Variants in DCLRE1C observed in about 807,000 individuals in gnomAD.
DCLRE1C encodes the protein DNA cross-link repair 1C, also known as protein artemis.
A neutral mutation model predicts 61.4 loss-of-function variants in DCLRE1C; 47 were observed. The ratio of observed to expected loss-of-function variants is 0.77; its 90% CI spans 0.61 to 0.98. DCLRE1C has a LOEUF of 0.98. DCLRE1C is among the 50% of genes least tolerant of loss of function. The pLI is 0.00. For synonymous variants in DCLRE1C, 337 were observed against 287.6 expected, an observed-to-expected ratio of 1.17 and a Z score of -1.74; for missense variants, 858 against 816.0, an observed-to-expected ratio of 1.05 and a Z score of -0.63.
Position 14,908,497 on chromosome 10 carries a change from GT to G in DCLRE1C, c.1989del (p.Lys663AsnfsTer18). The G allele has an allele frequency of 1.9e-6, 3 of 1,613,974 alleles. No individual in the cohort carries two copies. The highest frequency in any genetic ancestry group is 2.5e-6 in the Non-Finnish European group (3 of 1,179,972). On this transcript the variant is annotated frameshift_variant, in exon 14 of 14. Coordinates refer to ENST00000378278, the MANE Select transcript of DCLRE1C (RefSeq NM_001033855.3). LOFTEE classifies it high-confidence loss of function. ...VPSTPEAELP[K>X]REHLQYLYEK... ...TCATATAAATATTGTAAATGCTCTC[GT>G]TTAGGTAACTCAGCTTCTGGAGTTG...
downstream of DCLRE1C, chr10:14,902,635 T>A: frequency 1.5e-6 from 1 of 668,074 alleles, no homozygotes; most frequent in Non-Finnish European, 2.4e-6. Context: ...AATTCATGTT[T>A]CAAGACATTT....
At chr10:14,936,691 T>A (rs1839984796) in intron 4 of DCLRE1C, 98 bp from the exon 5 acceptor site, 7 of 797,312 alleles carry the variant, frequency 8.8e-6, no homozygotes, top group Non-Finnish European at 6.4e-6. Flanking sequence ...TATGTACCTT[T>A]TAACAATGTG....
At chr10:14,946,884 C>G (rs1321458290) in intron 2 of DCLRE1C, among the ~76,000 whole-genome samples, 1 of 152,070 alleles carries the variant, frequency 6.6e-6, no homozygotes, top group East Asian at 1.9e-4. Context: ...TCCCAAAGGC[C>G]TGGGATTATA....
chr10:14,921,652 A>G (rs916121226), intron 12 of DCLRE1C, among the ~76,000 whole-genome samples: 41 of 152,130 alleles, frequency 2.7e-4, no homozygotes, highest in Middle Eastern at 3.2e-3. Context: ...GGTAGTCCCC[A>G]TATTATTTGA....
At chr10:14,951,215 T>C (rs1028634497) in intron 1 of DCLRE1C, among the ~76,000 whole-genome samples, 7 of 151,606 alleles carry the variant, frequency 4.6e-5, no homozygotes, top group Non-Finnish European at 1.0e-4. Flanking sequence ...CCTGTCTCTC[T>C]ATAAAAAATA....
intron 7 of DCLRE1C, 33 bp from the exon 8 acceptor site, chr10:14,934,553 T>C: frequency 2.5e-6 from 4 of 1,614,040 alleles, no homozygotes; most frequent in Non-Finnish European, 3.4e-6. Context: ...ATTTAACAGG[T>C]GGAGAGCCGC....
chr10:14,912,005 G>A (rs1405381339), intron 13 of DCLRE1C, among the ~76,000 whole-genome samples: 2 of 152,220 alleles, frequency 1.3e-5, no homozygotes, highest in African/African-American at 2.4e-5. Context: ...TTCAGTGTGG[G>A]AATGTTTGGC....
chr10:14,938,305 AGTTGG>A (rs535211800), intron 4 of DCLRE1C, among the ~76,000 whole-genome samples: 5 of 152,212 alleles, frequency 3.3e-5, no homozygotes, highest in African/African-American at 1.2e-4. Flanking sequence ...CCGGAAAAGC[AGTTGG>A]CAGAGTCCAG....
Position 14,908,089 on chromosome 10 carries a change from T to G in DCLRE1C, c.*319A>C, listed in dbSNP as rs1268478006. On this transcript the variant is annotated 3_prime_UTR_variant, in exon 14 of 14. Coordinates refer to ENST00000378278, the MANE Select transcript of DCLRE1C (RefSeq NM_001033855.3). ...GACTAGAGGTGCAGTGGCACAGTCA[T>G]GGCTCACTGCAGCCTCAATCTCCTG... 6.8e-6 allele frequency: 2 copies of G among 295,820 alleles called. No homozygotes were observed. The highest frequency in any genetic ancestry group is 1.9e-4 in the East Asian group (2 of 10,492). The allele number at this position is 295,820 out of a possible 1,614,324, so 18.3% of individuals were successfully genotyped here.
intron 13 of DCLRE1C, among the ~76,000 whole-genome samples, chr10:14,915,745 A>C (rs995721413): frequency 2.0e-5 from 3 of 152,092 alleles, no homozygotes; most frequent in Non-Finnish European, 1.5e-5. Flanking sequence ...ATCCTCGAAA[A>C]ATTTTTCCAG....
At chr10:14,942,658 G>T (rs2131069496) in intron 3 of DCLRE1C, among the ~76,000 whole-genome samples, 1 of 152,352 alleles carries the variant, frequency 6.6e-6, no homozygotes, top group Non-Finnish European at 1.5e-5. Context: ...GGACAGAAGT[G>T]TTTCCTGTGG....
At chr10:14,920,331 G>A in intron 12 of DCLRE1C, 2 of 957,196 alleles carry the variant, frequency 2.1e-6, no homozygotes, top group South Asian at 7.1e-5. Flanking sequence ...AAGACAAAGT[G>A]GAGATAAAAT....
rs1834787216 is a variant in DCLRE1C at position 14,908,961 on chromosome 10, G to A, written c.1526C>T (p.Ser509Phe). The change falls in exon 14 of 14, where the codon TCC (serine) becomes TTC (phenylalanine). Residue 509 changes from serine to phenylalanine, a missense_variant. Transcript: ENST00000378278. ...ITDESLENFP[S>F]STVAGGSQSP... is the part of the protein sequence containing the mutation. ...CTGAGATCCCCCTGCCACTGTGGAG[G>A]AAGGGAAGTTTTCCAAACTCTCATC... 6.2e-7 allele frequency: 1 copy of A among 1,614,154 alleles called. No individual in the cohort carries two copies. Among genetic ancestry groups the A allele is most frequent in the Non-Finnish European group, 8.5e-7 (1 of 1,180,008 alleles).
intron 13 of DCLRE1C, among the ~76,000 whole-genome samples, chr10:14,918,247 G>C (rs559531807): frequency 6.6e-6 from 1 of 152,176 alleles, no homozygotes; most frequent in African/African-American, 2.4e-5. Flanking sequence ...ACATCAACAG[G>C]TGAATGGATC....
chr10:14,919,629 T>G, intron 13 of DCLRE1C, 109 bp downstream of exon 13: 1 of 827,110 alleles, frequency 1.2e-6, no homozygotes, highest in East Asian at 2.4e-5. Flanking sequence ...TGACCTGTGG[T>G]GGGTCCCAGG....
At chr10:14,928,582 G>A (rs41298880) in intron 9 of DCLRE1C, among the ~76,000 whole-genome samples, 102 of 152,298 alleles carry the variant, frequency 6.7e-4, no homozygotes, top group Non-Finnish European at 9.7e-4. Context: ...AAAATGTTCT[G>A]AGGAAGGGTA....
chr10:14,914,043 C>G (rs1835750826), intron 13 of DCLRE1C, among the ~76,000 whole-genome samples: 1 of 152,136 alleles, frequency 6.6e-6, no homozygotes, highest in African/African-American at 2.4e-5. Flanking sequence ...TAAACTTAAA[C>G]CTGACCATAT....
At chr10:14,949,167 T>C (rs1842105027) in intron 1 of DCLRE1C, 80 bp from the exon 2 acceptor site, 1 of 989,714 alleles carries the variant, frequency 1.0e-6, no homozygotes, top group African/African-American at 1.6e-5. Context: ...CGTCTTCTTT[T>C]TCAGCTTCAA....
intron 3 of DCLRE1C, among the ~76,000 whole-genome samples, chr10:14,940,290 AT>A (rs1046309328): frequency 6.7e-3 from 135 of 20,300 alleles, no homozygotes; most frequent in African/African-American, 0.018. Context: ...CGGTTCTTTT[AT>A]TTTTTTTTTT....
Sources: allele counts gnomAD v4.1 joint callset (sites outside exome capture counted in the v4.1 genomes callset), GRCh38; gene constraint gnomAD v4.1.1; transcripts MANE v1.5; gene names NCBI Gene and HGNC (gene_info 2026-07-23, HGNC 2026-07-21).